SP140: variants seen among roughly 807,000 people sequenced by gnomAD.
The protein encoded by SP140 is SP140 nuclear body protein.
In SP140, 81 loss-of-function variants were observed where a neutral mutation model predicts 125.0. That is an observed-to-expected ratio of 0.65 (90% CI 0.54 to 0.78). SP140 has a LOEUF of 0.78. SP140 is among the 30% of genes least tolerant of loss of function. The probability of loss-of-function intolerance (pLI) is 0.00; values close to 1 mark genes in which losing one functional copy is unlikely to be tolerated. For missense variants in SP140, 858 were observed against 1,037.0 expected, an observed-to-expected ratio of 0.83 and a Z score of 2.37; for synonymous variants, 312 against 354.0, an observed-to-expected ratio of 0.88 and a Z score of 1.33.
intron 16 of SP140, among the ~76,000 whole-genome samples, chr2:230,285,492 C>A (rs1016921464): frequency 6.6e-6 from 1 of 152,220 alleles, no homozygotes; most frequent in Admixed American, 6.5e-5. Flanking sequence ...ATCATTATAA[C>A]ATTTTCATTT....
At chr2:230,200,558 A>G (rs890482603), upstream of SP140, 1 of 362,400 alleles carries the variant, frequency 2.8e-6, no homozygotes, top group African/African-American at 2.1e-5. Flanking sequence ...CTTTCAGTAT[A>G]GTACCATGAA....
the SP140 span, among the ~76,000 whole-genome samples, chr2:230,191,463 C>T: frequency 6.6e-6 from 1 of 152,250 alleles, no homozygotes; most frequent in East Asian, 1.9e-4. Context: ...CATCACTGAT[C>T]CCACAGAAAT....
At chr2:230,251,437 CCAGA>C (rs1352021427) in intron 10 of SP140, among the ~76,000 whole-genome samples, 4 of 152,132 alleles carry the variant, frequency 2.6e-5, no homozygotes, top group South Asian at 2.1e-4. Context: ...TAAGATGGGG[CCAGA>C]CAAACTGGGT....
At chr2:230,208,800 A>C (rs2044156307) in intron 1 of SP140, among the ~76,000 whole-genome samples, 2 of 152,228 alleles carry the variant, frequency 1.3e-5, no homozygotes, top group South Asian at 4.1e-4. Context: ...GTGTACAGGA[A>C]GTAGGTAAGT....
intron 3 of SP140, 117 bp downstream of exon 3, chr2:230,238,498 G>A (rs1285683118): frequency 2.0e-6 from 2 of 999,932 alleles, no homozygotes; most frequent in Non-Finnish European, 3.0e-6. Flanking sequence ...TACATGCCAA[G>A]CCCAGGGGGA....
upstream of SP140, among the ~76,000 whole-genome samples, chr2:230,224,515 C>CAGAG (rs879416639): frequency 3.6e-5 from 5 of 139,976 alleles, no homozygotes; most frequent in East Asian, 2.1e-4. Context: ...AGAGAGAGGA[C>CAGAG]AGAGAGAGAG....
intron 1 of SP140, among the ~76,000 whole-genome samples, chr2:230,232,343 A>G (rs1002759308): frequency 1.3e-5 from 2 of 152,208 alleles, no homozygotes; most frequent in African/African-American, 4.8e-5. Flanking sequence ...GCTGCCTCAG[A>G]TAGTTGATCT....
At chr2:230,307,158 C>T (rs890141024) in intron 22 of SP140, among the ~76,000 whole-genome samples, 1 of 152,190 alleles carries the variant, frequency 6.6e-6, no homozygotes, top group Non-Finnish European at 1.5e-5. Flanking sequence ...ACCTCCTCCT[C>T]TTTGCTGAGG....
chr2:230,258,517 A>G (rs2051637319), intron 12 of SP140, among the ~76,000 whole-genome samples: 1 of 152,220 alleles, frequency 6.6e-6, no homozygotes, highest in Non-Finnish European at 1.5e-5. Context: ...GCCATGAAAT[A>G]TCTTGCTTTT....
chr2:230,269,461 G>A, intron 12 of SP140, 71 bp from the exon 13 acceptor site: 1 of 913,310 alleles, frequency 1.1e-6, no homozygotes, highest in Non-Finnish European at 1.8e-6. Flanking sequence ...GTGCAGTATA[G>A]CAGCACTGGA....
At position 230,303,565 on chromosome 2, in the gene SP140, A is replaced by C. The variant is rs550738728; in HGVS notation, c.2058+6103A>C. On this transcript the variant is annotated intron_variant, in intron 22 of 26. Coordinates refer to ENST00000392045, the MANE Select transcript of SP140 (RefSeq NM_007237.5). ...GCATCCTCCCTAAATCATTCTATGA[A>C]GCCAGTATCACCCTAATACCAAAAC... Among the ~76,000 whole-genome samples the C allele has an allele frequency of 3.9e-5, 6 of 152,328 alleles. No homozygotes were observed. The East Asian group carries it at 1.2e-3, about 29-fold the overall frequency.
At chr2:230,315,527 C>T (rs1339436033), downstream of SP140, among the ~76,000 whole-genome samples, 1 of 152,148 alleles carries the variant, frequency 6.6e-6, no homozygotes, top group African/African-American at 2.4e-5. Context: ...TCCCCTCTTC[C>T]TGAATGTATA....
chr2:230,292,576 G>A, intron 19 of SP140, 70 bp from the exon 20 acceptor site: 1 of 1,595,540 alleles, frequency 6.3e-7, no homozygotes, highest in Admixed American at 1.7e-5. Context: ...TAGATCCAGT[G>A]TGGTGAGTGG....
At chr2:230,274,878 A>G (rs903020864) in intron 15 of SP140, among the ~76,000 whole-genome samples, 2 of 152,190 alleles carry the variant, frequency 1.3e-5, no homozygotes, top group African/African-American at 2.4e-5. Flanking sequence ...ATCTAAATGA[A>G]TACATTTAAA....
At chr2:230,307,955 GTATATA>G (rs60233854) in intron 22 of SP140, among the ~76,000 whole-genome samples, 1,983 of 48,356 alleles carry the variant, frequency 0.041, 70 homozygotes, top group African/African-American at 0.051. Flanking sequence ...GGACATGCAT[GTATATA>G]TATATATATA....
chr2:230,286,002 T>C (rs571913720), intron 17 of SP140, among the ~76,000 whole-genome samples, 170 bp downstream of exon 17: 1 of 152,354 alleles, frequency 6.6e-6, no homozygotes, highest in Non-Finnish European at 1.5e-5. Flanking sequence ...TGTAAGTTGA[T>C]TGTATTCATA....
At chr2:230,253,455 C>A in intron 11 of SP140, 38 bp downstream of exon 11, 1 of 1,485,876 alleles carries the variant, frequency 6.7e-7, no homozygotes, top group South Asian at 1.1e-5. Flanking sequence ...TTGAGTACAT[C>A]TTTGTTTTCC....
intron 15 of SP140, among the ~76,000 whole-genome samples, chr2:230,283,582 T>TGGTCACTATCCAGGAAGGAGATGA (rs1319816684): frequency 6.6e-5 from 10 of 152,318 alleles, no homozygotes; most frequent in Admixed American, 6.5e-4. Flanking sequence ...ACTTTTGTCC[T>TGGTCACTATCCAGGAAGGAGATGA]GGTCACTATC....
chr2:230,212,927 C>A (rs769837823), intron 1 of SP140: 1 of 1,613,862 alleles, frequency 6.2e-7, no homozygotes, highest in African/African-American at 1.3e-5. Flanking sequence ...GTGGTGGGGG[C>A]AGCGCCAGTG....
Sources: allele counts gnomAD v4.1 joint callset (sites outside exome capture counted in the v4.1 genomes callset), GRCh38; gene constraint gnomAD v4.1.1; transcripts MANE v1.5; gene names NCBI Gene and HGNC (gene_info 2026-07-23, HGNC 2026-07-21).